ARMC7: variants seen among roughly 807,000 people sequenced by gnomAD.
The protein encoded by ARMC7 is armadillo repeat containing 7.
Under a neutral mutation model 14.8 loss-of-function variants are expected in ARMC7, and 9 were observed. The observed-to-expected ratio is 0.61, with a 90% CI of 0.37 to 1.06. The LOEUF (loss-of-function observed/expected upper bound fraction) is 1.06. Among genes scored for constraint, ARMC7 ranks in the 50% least tolerant of loss-of-function variants. The probability of loss-of-function intolerance (pLI) is 0.01; values close to 1 mark genes in which losing one functional copy is unlikely to be tolerated. For missense variants in ARMC7, 262 were observed against 267.1 expected (o/e 0.98, Z 0.13); for synonymous variants, 125 against 123.4 (o/e 1.01, Z -0.09).
chr17:75,114,959 G>C (rs755192547), intron 2 of ARMC7: 18 of 380,350 alleles, frequency 4.7e-5, no homozygotes, highest in Non-Finnish European at 7.5e-5. Context: ...GCTGTTTCTG[G>C]AGAAGGCTCT....
intron 2 of ARMC7, among the ~76,000 whole-genome samples, chr17:75,117,997 T>C (rs1477425651): frequency 6.6e-6 from 1 of 151,976 alleles, no homozygotes; most frequent in Non-Finnish European, 1.5e-5. Flanking sequence ...GGCAGGAGCC[T>C]GTAATCCCAG....
chr17:75,129,103 G>A lies in ARMC7; in HGVS notation c.*65G>A. On this transcript the variant is annotated 3_prime_UTR_variant, in exon 3 of 3. Transcript: ENST00000245543. ...AGACCACAGTCCTGATGTGGACGCA[G>A]GGAACGGGGAGCACATACTGCCCCA... The A allele has an allele frequency of 6.6e-7, 1 of 1,519,946 alleles. No homozygotes were observed. The highest frequency in any genetic ancestry group is 8.8e-7 in the Non-Finnish European group (1 of 1,139,972). 94.2% of individuals were successfully genotyped at this position (1,519,946 alleles called of 1,614,324 possible). A position where few individuals can be genotyped will look rare whatever the true frequency, so the allele number is the denominator to read the frequency against.
At chr17:75,110,804 A>G (rs573142580) in intron 2 of ARMC7, among the ~76,000 whole-genome samples, 198 bp downstream of exon 2, 2 of 152,052 alleles carry the variant, frequency 1.3e-5, no homozygotes, top group Admixed American at 1.3e-4. Context: ...CTCGTACAAA[A>G]ATTAGCTAGA....
intron 2 of ARMC7, among the ~76,000 whole-genome samples, chr17:75,118,037 C>T (rs188307284): frequency 1.1e-3 from 161 of 151,130 alleles, no homozygotes; most frequent in African/African-American, 3.8e-3. Flanking sequence ...AGGAGAATCG[C>T]TTGAACCCAG....
intron 2 of ARMC7, among the ~76,000 whole-genome samples, chr17:75,120,106 T>C (rs1017438535): frequency 3.9e-5 from 6 of 152,048 alleles, no homozygotes; most frequent in Admixed American, 2.0e-4. Flanking sequence ...AGTTTTGCCA[T>C]GTTGGCCAGG....
At chr17:75,126,428 C>A (rs994364031) in intron 2 of ARMC7, among the ~76,000 whole-genome samples, 1 of 152,106 alleles carries the variant, frequency 6.6e-6, no homozygotes. Flanking sequence ...ATCCTAGTAA[C>A]GGTGACATGG....
Position 75,127,010 on chromosome 17 carries a change from C to T in ARMC7, c.236-1667C>T, listed in dbSNP as rs1318180165. Among the ~76,000 whole-genome samples, 4 of 150,368 alleles carry T rather than the reference C, an allele frequency of 2.7e-5. No individual in the cohort carries two copies. The South Asian group carries it at 8.4e-4, about 32-fold the overall frequency. ...CCGGGAGGCGGAGGTTGCAATGAGC[C>T]GCGATCATGCCACTGCACTCTAGCC... On this transcript the variant is annotated intron_variant, in intron 2 of 2. Transcript: ENST00000245543.
intron 2 of ARMC7, among the ~76,000 whole-genome samples, chr17:75,127,892 G>C (rs570895064): frequency 6.6e-6 from 1 of 152,288 alleles, no homozygotes; most frequent in Non-Finnish European, 1.5e-5. Context: ...ACTGTGCCCA[G>C]CCCATTCTAG....
chr17:75,124,028 C>G (rs2074033166), intron 2 of ARMC7, among the ~76,000 whole-genome samples: 1 of 152,138 alleles, frequency 6.6e-6, no homozygotes, highest in Admixed American at 6.6e-5. Context: ...TTTCCATGGC[C>G]CTTCTCAGTT....
At chr17:75,113,173 G>A (rs1305548900) in intron 2 of ARMC7, among the ~76,000 whole-genome samples, 4 of 149,458 alleles carry the variant, frequency 2.7e-5, no homozygotes, top group African/African-American at 9.9e-5. Context: ...ATAGGCGCCC[G>A]CCACCACGCC....
chr17:75,119,447 TTTTTTC>T (rs1005197125), intron 2 of ARMC7, among the ~76,000 whole-genome samples: 3 of 36,576 alleles, frequency 8.2e-5, no homozygotes, highest in Non-Finnish European at 3.6e-4. Flanking sequence ...TGTGATACAG[TTTTTTC>T]TTTTTTTTTT....
chr17:75,128,941 T>C lies in ARMC7; in HGVS notation c.500T>C (p.Phe167Ser). Residue 167 changes from phenylalanine to serine, a missense_variant, in exon 3 of 3, where the codon TTC (phenylalanine) becomes TCC (serine). Coordinates refer to ENST00000245543, the MANE Select transcript of ARMC7 (RefSeq NM_024585.4). ...RNLAQIFLED[F>S]CSPRQVAEAR... Reference sequence around the variant, plus strand: ...CTGGCACAGATCTTCCTGGAGGACTTCTGCTCCCCCCGCCAGGTGGCCGAG... The same window carrying C: ...CTGGCACAGATCTTCCTGGAGGACTCCTGCTCCCCCCGCCAGGTGGCCGAG... 1 of 1,607,080 alleles carries C rather than the reference T, an allele frequency of 6.2e-7. No individual in the cohort carries two copies. The highest frequency in any genetic ancestry group is 8.5e-7 in the Non-Finnish European group (1 of 1,179,628).
intron 2 of ARMC7, among the ~76,000 whole-genome samples, chr17:75,116,370 G>T (rs1321213613): frequency 6.6e-6 from 1 of 152,206 alleles, no homozygotes; most frequent in East Asian, 1.9e-4. Flanking sequence ...GCTGACGCTT[G>T]TAATCCCAGC....
chr17:75,126,634 T>C (rs1598172319), intron 2 of ARMC7, among the ~76,000 whole-genome samples: 2 of 151,342 alleles, frequency 1.3e-5, no homozygotes, highest in African/African-American at 4.9e-5. Context: ...CAGGCTGGAG[T>C]GCAATGGCGC....
intron 2 of ARMC7, among the ~76,000 whole-genome samples, chr17:75,120,701 C>T (rs543511873): frequency 1.3e-5 from 2 of 151,568 alleles, no homozygotes; most frequent in African/African-American, 4.8e-5. Flanking sequence ...GTAGTCCCAG[C>T]TACTCAGGAG....
At chr17:75,125,396 G>C (rs1013497517) in intron 2 of ARMC7, among the ~76,000 whole-genome samples, 1 of 152,198 alleles carries the variant, frequency 6.6e-6, no homozygotes, top group Admixed American at 6.5e-5. Context: ...GTCAGTGTGT[G>C]ACAACTGGGG....
intron 2 of ARMC7, 128 bp downstream of exon 2, chr17:75,110,734 G>A (rs1382787189): frequency 2.3e-6 from 3 of 1,288,138 alleles, no homozygotes; most frequent in African/African-American, 1.5e-5. Context: ...AAGCTAAGGC[G>A]GGCGGATCAC....
rs1404183597 is a variant in ARMC7, at chr17:75,130,195, C to G, written c.*1157C>G. Reference sequence around the variant, plus strand: ...CAGCACCCGCTCAGGGAGCCTGTCCCTTTATGTTCCCAAATAAAGGGTCCT... The same window carrying G: ...CAGCACCCGCTCAGGGAGCCTGTCCGTTTATGTTCCCAAATAAAGGGTCCT... On this transcript the variant is annotated 3_prime_UTR_variant, in exon 3 of 3. Transcript: ENST00000245543. 3 of 367,656 alleles carry G rather than the reference C, an allele frequency of 8.2e-6. No individual in the cohort carries two copies. The Admixed American group carries it at 1.3e-4, about 16-fold the overall frequency. The allele number at this position is 367,656 out of a possible 1,614,324, so 22.8% of individuals were successfully genotyped here. A position where few individuals can be genotyped will look rare whatever the true frequency, so the allele number is the denominator to read the frequency against.
intron 2 of ARMC7, among the ~76,000 whole-genome samples, chr17:75,119,975 G>A (rs1443205028): frequency 2.6e-5 from 4 of 151,566 alleles, no homozygotes; most frequent in Non-Finnish European, 5.9e-5. Context: ...CATGATCTGG[G>A]CTCATTGCAA....
Sources: allele counts gnomAD v4.1 joint callset (sites outside exome capture counted in the v4.1 genomes callset), GRCh38; gene constraint gnomAD v4.1.1; transcripts MANE v1.5; gene names NCBI Gene and HGNC (gene_info 2026-07-23, HGNC 2026-07-21).